POM121L2: variants seen among roughly 807,000 people sequenced by gnomAD.
The protein encoded by POM121L2 is POM121-like protein 2.
For synonymous variants in POM121L2, 459 were observed against 483.8 expected (o/e 0.95, Z 0.67); for missense variants, 1,167 against 1,260.3 (o/e 0.93, Z 1.12).
Position 27,309,512 on chromosome 6 carries a change from G to T in POM121L2, c.2659C>A (p.Gln887Lys). Residue 887 changes from glutamine (Q) to lysine (K), a missense_variant, in exon 1 of 1, where the codon CAA becomes AAA. Physicochemically the swap from Gln to Lys is moderately conservative, Grantham distance 53. Coordinates refer to ENST00000444565, the MANE Select transcript of POM121L2 (RefSeq NM_033482.4). ...FGSVFGSRAPQPFTFGGFVTP... is the reference protein window; with the variant it reads ...FGSVFGSRAPKPFTFGGFVTP... ...ACGAATCCCCCAAAAGTGAAAGGTT[G>T]TGGAGCTCTGCTGCCAAACACTGAG... The T allele has an allele frequency of 6.4e-7, 1 of 1,552,064 alleles. No individual in the cohort carries two copies.
Position 27,309,492 on chromosome 6 carries a change from T to A in POM121L2, c.2679A>T (p.Gly893=). Residue 893 remains glycine (G), a synonymous_variant, in exon 1 of 1, where the codon GGA becomes GGT. Coordinates refer to ENST00000444565, the MANE Select transcript of POM121L2 (RefSeq NM_033482.4). ...SRAPQPFTFG[G]FVTPMDCDES... The stretch of plus-strand genomic sequence containing the variant: ...CATCACAGTCCATAGGGGTCACGAA[T>A]CCCCCAAAAGTGAAAGGTTGTGGAG... The A allele has an allele frequency of 1.9e-6, 3 of 1,551,830 alleles. No homozygotes were observed. Among genetic ancestry groups the A allele is most frequent in the Non-Finnish European group, 2.6e-6 (3 of 1,147,024 alleles).
In POM121L2 at chr6:27,311,227, C is replaced by T. The variant is rs1219245342; in HGVS notation, c.944G>A (p.Gly315Glu). Residue 315 changes from glycine to glutamate, a missense_variant, in exon 1 of 1, where the codon GGG (glycine) becomes GAG (glutamate). Physicochemically the swap from Gly to Glu is moderately conservative, Grantham distance 98. Coordinates refer to ENST00000444565, the MANE Select transcript of POM121L2 (RefSeq NM_033482.4). ...FESLGGSESS[G>E]QQNQKIPQLP... Reference sequence around the variant, plus strand: ...CTGTGGAATCTTCTGGTTTTGCTGCCCAGAACTTTCAGATCCTCCTAGGGA... The same window carrying T: ...CTGTGGAATCTTCTGGTTTTGCTGCTCAGAACTTTCAGATCCTCCTAGGGA... 3 of 1,551,848 alleles carry T rather than the reference C, an allele frequency of 1.9e-6. No homozygotes were observed. The highest frequency in any genetic ancestry group is 2.6e-6 in the Non-Finnish European group (3 of 1,147,050).
rs1760704219 is a variant in POM121L2, at chr6:27,308,890, A to T, written c.*173T>A. Among the ~76,000 whole-genome samples the T allele has an allele frequency of 6.6e-6, 1 of 152,208 alleles. No homozygotes were observed. The highest frequency in any genetic ancestry group is 1.5e-5 in the Non-Finnish European group (1 of 68,038). The stretch of plus-strand genomic sequence containing the variant: ...GGCCTCAATCTGCAATCAGCACTAG[A>T]TGGTTTAGTCCTTCACTTTCGTCAA... On this transcript the variant is annotated 3_prime_UTR_variant, in exon 1 of 1. Coordinates refer to ENST00000444565, the MANE Select transcript of POM121L2 (RefSeq NM_033482.4).
Position 27,310,658 on chromosome 6 carries a change from G to C in POM121L2, c.1513C>G (p.Gln505Glu). The C allele has an allele frequency of 6.4e-7, 1 of 1,551,910 alleles. No homozygotes were observed. Among genetic ancestry groups the C allele is most frequent in the Non-Finnish European group, 8.7e-7 (1 of 1,147,062 alleles). The change falls in exon 1 of 1, where the codon CAA becomes GAA. Residue 505 changes from glutamine (Q) to glutamate (E), a missense_variant. Transcript: ENST00000444565. Reference protein sequence around the residue: ...PPDPPAPPTIQSTLLGMVSSP... With the variant: ...PPDPPAPPTIESTLLGMVSSP... ...CTCACCATTCCAAGCAAAGTACTTTGGATGGTGGGTGGTGCAGGTGGGTCT... is the reference window on the plus strand; with the variant it reads ...CTCACCATTCCAAGCAAAGTACTTTCGATGGTGGGTGGTGCAGGTGGGTCT...
Position 27,310,238 on chromosome 6 carries a change from C to T in POM121L2, c.1933G>A (p.Val645Ile). ...SVFKPPLDFG[V>I]VNVTSAVGNT... ...CCTACGGCACTGGTGACATTCACTA[C>T]ACCAAAATCCAAAGGTGGCTTAAAA... The change falls in exon 1 of 1, where the codon GTA becomes ATA. Residue 645 changes from valine (V) to isoleucine (I), a missense_variant. Transcript: ENST00000444565. The T allele has an allele frequency of 6.4e-7, 1 of 1,552,344 alleles. No homozygotes were observed. The highest frequency in any genetic ancestry group is 8.7e-7 in the Non-Finnish European group (1 of 1,147,134).
At position 27,309,103 on chromosome 6, in the gene POM121L2, T is replaced by C. The variant is rs1760707198; in HGVS notation, c.3068A>G (p.Glu1023Gly). The C allele has an allele frequency of 6.4e-7, 1 of 1,551,766 alleles. No individual in the cohort carries two copies. Among genetic ancestry groups the C allele is most frequent in the Non-Finnish European group, 8.7e-7 (1 of 1,147,010 alleles). The change falls in exon 1 of 1, where the codon GAG (glutamate) becomes GGG (glycine). Residue 1023 changes from glutamate to glycine, a missense_variant. By Grantham distance (98) the Glu-to-Gly change is moderately conservative. Transcript: ENST00000444565. Reference protein sequence around the residue: ...GAKSKTPKNREKGHSRRHHAY... With the variant: ...GAKSKTPKNRGKGHSRRHHAY... The stretch of plus-strand genomic sequence containing the variant: ...ATGATGCCTTCGGGAATGCCCTTTC[T>C]CCCGATTCTTTGGGGTTTTTGATTT...
In POM121L2 at chr6:27,311,239, G is replaced by A; in HGVS notation, c.932C>T (p.Ser311Phe). The change falls in exon 1 of 1, where the codon TCT becomes TTT. Residue 311 changes from serine to phenylalanine, a missense_variant. Ser to Phe is a radical substitution (Grantham distance 155). Transcript: ENST00000444565. The part of the protein sequence containing the change: ...LVSDFESLGG[S>F]ESSGQQNQKI... ...CTGGTTTTGCTGCCCAGAACTTTCA[G>A]ATCCTCCTAGGGACTCAAAATCTGA... 1 of 1,551,886 alleles carries A rather than the reference G, an allele frequency of 6.4e-7. No individual in the cohort carries two copies. The highest frequency in any genetic ancestry group is 8.7e-7 in the Non-Finnish European group (1 of 1,147,054).
chr6:27,309,275 T>C lies in POM121L2; in HGVS notation c.2896A>G (p.Met966Val). ...GGGGTGTTTTGAGCAATGGGGGCCA[T>C]AGTCTTTCTTGCAGAAATGCTGCCT... ...GRGSISARKT[M>V]APIAQNTPVP... Residue 966 changes from methionine to valine, a missense_variant, in exon 1 of 1, where the codon ATG (methionine) becomes GTG (valine). Physicochemically the swap from Met to Val is conservative, Grantham distance 21. Transcript: ENST00000444565. The C allele has an allele frequency of 5.2e-6, 8 of 1,551,630 alleles. No homozygotes were observed. Among genetic ancestry groups the C allele is most frequent in the Non-Finnish European group, 7.0e-6 (8 of 1,146,898 alleles).
Position 27,310,593 on chromosome 6 carries a change from A to G in POM121L2, c.1578T>C (p.Asp526=). 1 of 1,552,028 alleles carries G rather than the reference A, an allele frequency of 6.4e-7. No homozygotes were observed. Among genetic ancestry groups the G allele is most frequent in the Non-Finnish European group, 8.7e-7 (1 of 1,147,070 alleles). Residue 526 remains aspartate (D), a synonymous_variant, in exon 1 of 1, where the codon GAT becomes GAC. Transcript: ENST00000444565. ...TSHLSASAPP[D]ATSAHLMLKP... The stretch of plus-strand genomic sequence containing the variant: ...TTAACATGAGGTGAGCAGAAGTTGC[A>G]TCAGGAGGTGCAGATGCAGAAAGAT...
Position 27,310,492 on chromosome 6 carries a change from G to T in POM121L2, c.1679C>A (p.Ala560Glu). Reference sequence around the variant, plus strand: ...TGTGGAAAGGGAAGAGATTGAAGATGCTGCAGCTGTGACTGAAATTCTGGA... The same window carrying T: ...TGTGGAAAGGGAAGAGATTGAAGATTCTGCAGCTGTGACTGAAATTCTGGA... ...SYSRISVTAA[A>E]SSISSLSTIQ... The change falls in exon 1 of 1, where the codon GCA (alanine) becomes GAA (glutamate). Residue 560 changes from alanine to glutamate, a missense_variant. Coordinates refer to ENST00000444565, the MANE Select transcript of POM121L2 (RefSeq NM_033482.4). The T allele has an allele frequency of 6.4e-7, 1 of 1,552,322 alleles. No individual in the cohort carries two copies.
chr6:27,309,822 T>C lies in POM121L2; in HGVS notation c.2349A>G (p.Lys783=). ...TAAGGGCTGGCTGGGAAGGCCCTTG[T>C]TTCTGTCCATTTGTGGCACCAAATG... The part of the protein sequence containing the change: ...QPAFGATNGQ[K]QGPSQPALMP... The change falls in exon 1 of 1, where the codon AAA becomes AAG. Residue 783 remains lysine, a synonymous_variant. Transcript: ENST00000444565. The C allele has an allele frequency of 6.4e-7, 1 of 1,551,738 alleles. No homozygotes were observed. The highest frequency in any genetic ancestry group is 8.7e-7 in the Non-Finnish European group (1 of 1,147,004).
Position 27,308,939 on chromosome 6 carries a change from G to A in POM121L2, c.*124C>T, listed in dbSNP as rs1268556490. 2 of 754,710 alleles carry A rather than the reference G, an allele frequency of 2.7e-6. No homozygotes were observed. The highest frequency in any genetic ancestry group is 4.3e-6 in the Non-Finnish European group (2 of 467,828). The allele number at this position is 754,710 out of a possible 1,614,324, so 46.8% of individuals were successfully genotyped here. ...AAGGATGTAGATTAGGACACACAGT[G>A]TGAACATCTAAAGCTCCAGTTTTAG... On this transcript the variant is annotated 3_prime_UTR_variant, in exon 1 of 1. Coordinates refer to ENST00000444565, the MANE Select transcript of POM121L2 (RefSeq NM_033482.4).
In POM121L2 at chr6:27,310,109, G is replaced by T. The variant is rs372091962; in HGVS notation, c.2062C>A (p.His688Asn). ...ACAGTAGGAATTGTAGGATGGTGGT[G>T]TGGTGGGAAAATGAATCCTGTGGCT... ...TPATGFIFPPHHHPTIPTVHT... is the reference protein window; with the variant it reads ...TPATGFIFPPNHHPTIPTVHT... Residue 688 changes from histidine (H) to asparagine (N), a missense_variant, in exon 1 of 1, where the codon CAC becomes AAC. His to Asn is a moderately conservative substitution (Grantham distance 68). Coordinates refer to ENST00000444565, the MANE Select transcript of POM121L2 (RefSeq NM_033482.4). The T allele has an allele frequency of 2.6e-6, 4 of 1,551,938 alleles. No individual in the cohort carries two copies. The African/African-American group carries it at 5.5e-5, about 21-fold the overall frequency.
chr6:27,310,230 A>T lies in POM121L2; in HGVS notation c.1941T>A (p.Asn647Lys), dbSNP rs1561790351. ...FKPPLDFGVV[N>K]VTSAVGNTYS... ...AAGTGTTGCCTACGGCACTGGTGAC[A>T]TTCACTACACCAAAATCCAAAGGTG... Residue 647 changes from asparagine to lysine, a missense_variant, in exon 1 of 1, where the codon AAT (asparagine) becomes AAA (lysine). By Grantham distance (94) the Asn-to-Lys change is moderately conservative (BLOSUM62 0). Coordinates refer to ENST00000444565, the MANE Select transcript of POM121L2 (RefSeq NM_033482.4). The T allele has an allele frequency of 6.4e-7, 1 of 1,552,266 alleles. No homozygotes were observed. Among genetic ancestry groups the T allele is most frequent in the Non-Finnish European group, 8.7e-7 (1 of 1,147,140 alleles).
Position 27,308,936 on chromosome 6 carries a change from A to G in POM121L2, c.*127T>C, listed in dbSNP as rs577191990. 12 of 740,504 alleles carry G rather than the reference A, an allele frequency of 1.6e-5. No individual in the cohort carries two copies. The East Asian group carries it at 3.0e-4, about 18-fold the overall frequency. 45.9% of individuals were successfully genotyped at this position (740,504 alleles called of 1,614,324 possible). A position where few individuals can be genotyped will look rare whatever the true frequency, so the allele number is the denominator to read the frequency against. On this transcript the variant is annotated 3_prime_UTR_variant, in exon 1 of 1. Coordinates refer to ENST00000444565, the MANE Select transcript of POM121L2 (RefSeq NM_033482.4). ...GTCAAGGATGTAGATTAGGACACAC[A>G]GTGTGAACATCTAAAGCTCCAGTTT...
chr6:27,309,495 C>T lies in POM121L2; in HGVS notation c.2676G>A (p.Gly892=), dbSNP rs1561789881. ...CACAGTCCATAGGGGTCACGAATCC[C>T]CCAAAAGTGAAAGGTTGTGGAGCTC... The part of the protein sequence containing the change: ...GSRAPQPFTF[G]GFVTPMDCDE... Residue 892 remains glycine (G), a synonymous_variant, in exon 1 of 1, where the codon GGG becomes GGA. Coordinates refer to ENST00000444565, the MANE Select transcript of POM121L2 (RefSeq NM_033482.4). The T allele has an allele frequency of 1.3e-6, 2 of 1,551,914 alleles. No individual in the cohort carries two copies. Among genetic ancestry groups the T allele is most frequent in the Admixed American group, 3.9e-5 (2 of 51,000 alleles).
Position 27,310,502 on chromosome 6 carries a change from T to C in POM121L2, c.1669A>G (p.Thr557Ala). The C allele has an allele frequency of 6.4e-7, 1 of 1,552,258 alleles. No individual in the cohort carries two copies. The highest frequency in any genetic ancestry group is 1.2e-5 in the South Asian group (1 of 84,064). The stretch of plus-strand genomic sequence containing the variant: ...GAAGAGATTGAAGATGCTGCAGCTG[T>C]GACTGAAATTCTGGAATATGAGGAG... ...GSSSYSRISV[T>A]AAASSISSLS... Residue 557 changes from threonine (T) to alanine (A), a missense_variant, in exon 1 of 1, where the codon ACA (threonine) becomes GCA (alanine). Physicochemically the swap from Thr to Ala is moderately conservative, Grantham distance 58 (BLOSUM62 0). Transcript: ENST00000444565.
Position 27,312,257 on chromosome 6 carries a change from G to T in POM121L2, c.-87C>A. 1.2e-6 allele frequency: 1 copy of T among 834,914 alleles called. No homozygotes were observed. Among genetic ancestry groups the T allele is most frequent in the Non-Finnish European group, 1.8e-6 (1 of 563,338 alleles). The allele number at this position is 834,914 out of a possible 1,614,324, so 51.7% of individuals were successfully genotyped here. On this transcript the variant is annotated 5_prime_UTR_variant, in exon 1 of 1. Coordinates refer to ENST00000444565, the MANE Select transcript of POM121L2 (RefSeq NM_033482.4). The surrounding 1 kb of genome is among the most constrained non-coding windows in gnomAD (Gnocchi z 6.7). ...GTCTGCAGAATCGGACAGAGTCGAAGAGCGCAGTGTTCGGTTGACGGTTGG... is the reference window on the plus strand; with the variant it reads ...GTCTGCAGAATCGGACAGAGTCGAATAGCGCAGTGTTCGGTTGACGGTTGG...
chr6:27,310,917 C>T lies in POM121L2; in HGVS notation c.1254G>A (p.Leu418=), dbSNP rs1760736584. The change falls in exon 1 of 1, where the codon CTG becomes CTA. Residue 418 remains leucine, a synonymous_variant. Coordinates refer to ENST00000444565, the MANE Select transcript of POM121L2 (RefSeq NM_033482.4). The stretch of plus-strand genomic sequence containing the variant: ...CCTCTCCCGTGGACTGTGGAGAGGC[C>T]AGTGGACCTAGAGACTTCTGCATTT... The part of the protein sequence containing the change: ...LRKMQKSLGP[L]ASPQSTGEAT... The T allele has an allele frequency of 6.4e-7, 1 of 1,551,826 alleles. No homozygotes were observed. Among genetic ancestry groups the T allele is most frequent in the East Asian group, 2.4e-5 (1 of 40,908 alleles).
Sources: allele counts gnomAD v4.1 joint callset (sites outside exome capture counted in the v4.1 genomes callset), GRCh38; gene constraint gnomAD v4.1.1; non-coding constraint Gnocchi (gnomAD v3.1); transcripts MANE v1.5; gene names NCBI Gene and HGNC (gene_info 2026-07-23, HGNC 2026-07-21).